The following PSTPIP2 variants were observed in gnomAD, a reference collection of about 807,000 sequenced individuals.
The protein encoded by PSTPIP2 is proline-serine-threonine phosphatase interacting protein 2.
PSTPIP2 carries 33 observed loss-of-function variants against 63.3 expected under a neutral mutation model. The ratio of observed to expected loss-of-function variants is 0.52; its 90% CI spans 0.40 to 0.70. The LOEUF is 0.70. Among genes scored for constraint, PSTPIP2 ranks in the 30% least tolerant of loss-of-function variants. The pLI is 0.00. For missense variants in PSTPIP2, 312 were observed against 400.7 expected (o/e 0.78, Z 1.89); for synonymous variants, 125 against 132.7 (o/e 0.94, Z 0.40).
chr18:46,070,082 C>T (rs368348516), intron 1 of PSTPIP2, among the ~76,000 whole-genome samples: 9 of 152,138 alleles, frequency 5.9e-5, no homozygotes, highest in African/African-American at 2.2e-4. Flanking sequence ...AAAACTGAGG[C>T]TTGGGGGCGG....
intron 4 of PSTPIP2, among the ~76,000 whole-genome samples, chr18:46,012,871 C>T (rs1273487549): frequency 6.6e-6 from 1 of 152,106 alleles, no homozygotes; most frequent in Non-Finnish European, 1.5e-5. Flanking sequence ...ATTTTCAAAA[C>T]AATGTAAAAA....
intron 2 of PSTPIP2, 57 bp downstream of exon 2, chr18:46,039,890 G>GTGGAGACA (rs1908127894): frequency 2.8e-6 from 4 of 1,408,674 alleles, no homozygotes; most frequent in Admixed American, 1.7e-5. Context: ...ATTGTTCCTT[G>GTGGAGACA]TCTGTGTGGA....
intron 1 of PSTPIP2, among the ~76,000 whole-genome samples, chr18:46,041,366 C>T (rs1908188932): frequency 6.6e-6 from 1 of 152,152 alleles, no homozygotes; most frequent in Non-Finnish European, 1.5e-5. Context: ...CCTGCCTCAG[C>T]CTCCTGAGTA....
chr18:46,040,916 G>A (rs1183345224), intron 1 of PSTPIP2: 3 of 429,118 alleles, frequency 7.0e-6, no homozygotes, highest in African/African-American at 2.0e-5. Flanking sequence ...AAGGAGCTGG[G>A]CGCCCACTCC....
chr18:46,032,277 A>G (rs556037560), intron 2 of PSTPIP2, among the ~76,000 whole-genome samples: 31 of 152,320 alleles, frequency 2.0e-4, no homozygotes, highest in African/African-American at 7.0e-4. Flanking sequence ...GTTTACTACC[A>G]TGTAACAAGG....
At chr18:46,028,987 C>A in intron 2 of PSTPIP2, 1 of 925,366 alleles carries the variant, frequency 1.1e-6, no homozygotes, top group Non-Finnish European at 1.8e-6. Flanking sequence ...GCAGTTCCGT[C>A]CTTGTGCACA....
chr18:45,987,464 T>A (rs1156435888), intron 14 of PSTPIP2, among the ~76,000 whole-genome samples: 1 of 147,074 alleles, frequency 6.8e-6, no homozygotes, highest in Non-Finnish European at 1.5e-5. Flanking sequence ...GGCATACAAC[T>A]AACAAGAAAT....
At chr18:45,992,082 T>A in intron 11 of PSTPIP2, 24 bp downstream of exon 11, 1 of 1,599,116 alleles carries the variant, frequency 6.3e-7, no homozygotes, top group Non-Finnish European at 8.6e-7. Context: ...TAAATAACAC[T>A]CCCCACCCCA....
chr18:46,053,670 A>G (rs1467456728), intron 1 of PSTPIP2, among the ~76,000 whole-genome samples: 1 of 152,264 alleles, frequency 6.6e-6, no homozygotes, highest in East Asian at 1.9e-4. Context: ...AAACTTGCAC[A>G]CAAATGTTTA....
intron 5 of PSTPIP2, among the ~76,000 whole-genome samples, chr18:46,009,332 T>C (rs1376905658): frequency 1.5e-5 from 2 of 134,836 alleles, no homozygotes; most frequent in Non-Finnish European, 3.1e-5. Flanking sequence ...AAGTTAGCAT[T>C]GGCACATTTT....
intron 3 of PSTPIP2, among the ~76,000 whole-genome samples, chr18:46,018,672 A>AT (rs34033303): frequency 0.13 from 19,166 of 151,572 alleles, 1,711 homozygotes; most frequent in African/African-American, 0.25. Flanking sequence ...TTTTACTGAG[A>AT]TTTTTTTTCT....
At chr18:46,000,590 ACTC>A (rs1291756069) in intron 6 of PSTPIP2, among the ~76,000 whole-genome samples, 1 of 151,934 alleles carries the variant, frequency 6.6e-6, no homozygotes. Flanking sequence ...CTGGTCTCGA[ACTC>A]CTGACCTCAG....
At chr18:46,069,974 C>T (rs945259745) in intron 1 of PSTPIP2, among the ~76,000 whole-genome samples, 1 of 152,190 alleles carries the variant, frequency 6.6e-6, no homozygotes, top group Admixed American at 6.5e-5. Flanking sequence ...ACTATAGGTG[C>T]TCTCTGTGTG....
intron 1 of PSTPIP2, 40 bp downstream of exon 1, chr18:46,072,116 G>A (rs1427021948): frequency 7.2e-6 from 11 of 1,525,082 alleles, no homozygotes; most frequent in Non-Finnish European, 9.7e-6. Flanking sequence ...CCCGGGCCGG[G>A]TCCTGAGCCC....
intron 9 of PSTPIP2, among the ~76,000 whole-genome samples, chr18:45,997,395 G>A (rs989509361): frequency 6.6e-6 from 1 of 151,988 alleles, no homozygotes; most frequent in Non-Finnish European, 1.5e-5. Flanking sequence ...CACCATGTTG[G>A]CCAGATGGTC....
chr18:46,031,479 C>T (rs536282411), intron 2 of PSTPIP2, among the ~76,000 whole-genome samples: 9 of 152,230 alleles, frequency 5.9e-5, no homozygotes, highest in African/African-American at 2.2e-4. Flanking sequence ...CAGCTCCTGA[C>T]AATGTAAAGT....
At chr18:46,030,990 T>C (rs1355858408) in intron 2 of PSTPIP2, among the ~76,000 whole-genome samples, 1 of 152,262 alleles carries the variant, frequency 6.6e-6, no homozygotes, top group Non-Finnish European at 1.5e-5. Context: ...TGTGTTAACA[T>C]TGATCCTTAT....
intron 4 of PSTPIP2, among the ~76,000 whole-genome samples, chr18:46,013,317 G>T (rs2051820309): frequency 6.6e-6 from 1 of 152,078 alleles, no homozygotes; most frequent in African/African-American, 2.4e-5. Flanking sequence ...AAGTTAATAT[G>T]AATATTTAGC....
chr18:46,056,446 G>A (rs1908757574), intron 1 of PSTPIP2, among the ~76,000 whole-genome samples: 1 of 152,246 alleles, frequency 6.6e-6, no homozygotes, highest in African/African-American at 2.4e-5. Flanking sequence ...AGGCGTGGTT[G>A]CTCATGCCTG....
Sources: gnomAD v4.1 joint callset for allele counts (sites outside exome capture counted in the v4.1 genomes callset) on GRCh38, gnomAD v4.1.1 for gene constraint, MANE v1.5 for transcripts, NCBI Gene and HGNC (gene_info 2026-07-23, HGNC 2026-07-21) for gene names.